NSMF: variants seen among roughly 807,000 people sequenced by gnomAD.
NSMF encodes nasal embryonic LHRH factor.
Under a neutral mutation model 71.0 loss-of-function variants are expected in NSMF, and 31 were observed. The observed-to-expected ratio is 0.44, with a 90% CI of 0.33 to 0.59. NSMF has a LOEUF of 0.59. Among genes scored for constraint, NSMF ranks in the 20% least tolerant of loss-of-function variants. The pLI is 0.04. For synonymous variants in NSMF, 345 were observed against 287.1 expected (o/e 1.20, Z -2.04); for missense variants, 673 against 740.5 (o/e 0.91, Z 1.06).
In NSMF at chr9:137,448,519, G is replaced by T. The variant is rs1234651755; in HGVS notation, c.*875C>A. 1.3e-5 allele frequency: 2 copies of T among 152,052 alleles called. No individual in the cohort carries two copies. Among genetic ancestry groups the T allele is most frequent in the Non-Finnish European group, 2.9e-5 (2 of 68,000 alleles). 9.4% of individuals were successfully genotyped at this position (152,052 alleles called of 1,614,324 possible). A position where few individuals can be genotyped will look rare whatever the true frequency, so the allele number is the denominator to read the frequency against. ...GCCAGCGAGTTTCTCAAAACCCAGG[G>T]CCCAGCCCCAGCTGGGCCCCTGCCA... is the stretch of plus-strand genomic sequence containing the variant. On this transcript the variant is annotated 3_prime_UTR_variant, in exon 16 of 16. Transcript: ENST00000371475. The surrounding 1 kb of genome is among the most constrained non-coding windows in gnomAD (Gnocchi z 5.3).
In NSMF at chr9:137,449,284, C is replaced by T. The variant is rs1052623516; in HGVS notation, c.*110G>A. The T allele has an allele frequency of 3.3e-5, 30 of 915,962 alleles. No homozygotes were observed. In the African/African-American group the frequency reaches 4.8e-4, roughly 15 times the overall value. 56.7% of individuals were successfully genotyped at this position (915,962 alleles called of 1,614,324 possible). The stretch of plus-strand genomic sequence containing the variant: ...CAACGTCTGAGGTGCCCTGAAGTGG[C>T]TCCAGGCGAGACCGGAGCCACACAG... On this transcript the variant is annotated 3_prime_UTR_variant, in exon 16 of 16. Coordinates refer to ENST00000371475, the MANE Select transcript of NSMF (RefSeq NM_001130969.3).
Position 137,457,701 on chromosome 9 carries a change from G to A in NSMF, c.334C>T (p.Pro112Ser). Reference protein sequence around the residue: ...YTISGEPALLPSPEAEAIELA... With the variant: ...YTISGEPALLSSPEAEAIELA... The stretch of plus-strand genomic sequence containing the variant: ...TCAATGGCCTCCGCCTCAGGGCTGG[G>A]CAGCAGGGCAGGCTCCCCAGAGATG... Residue 112 changes from proline (P) to serine (S), a missense_variant, in exon 3 of 16, where the codon CCC becomes TCC. By Grantham distance (74) the Pro-to-Ser change is moderately conservative. Transcript: ENST00000371475. 6.4e-7 allele frequency: 1 copy of A among 1,552,588 alleles called. No individual in the cohort carries two copies. Among genetic ancestry groups the A allele is most frequent in the Non-Finnish European group, 8.7e-7 (1 of 1,148,132 alleles).
Position 137,453,332 on chromosome 9 carries a change from G to A in NSMF, c.923-152C>T, listed in dbSNP as rs1830641792. The A allele has an allele frequency of 1.8e-6, 2 of 1,109,308 alleles. No individual in the cohort carries two copies. The highest frequency in any genetic ancestry group is 2.6e-5 in the East Asian group (1 of 38,756). The allele number at this position is 1,109,308 out of a possible 1,614,324, so 68.7% of individuals were successfully genotyped here. A position where few individuals can be genotyped will look rare whatever the true frequency, so the allele number is the denominator to read the frequency against. On this transcript the variant is annotated intron_variant, in intron 8 of 15. Transcript: ENST00000371475. This position sits in a 1 kb window ranked among gnomAD's most constrained non-coding sequence, Gnocchi z 4.5. ...ACAGAGGTCGCCGCCAGCCCGGCAG[G>A]ACAGGCCTGTGGACACCACTGGGCA...
chr9:137,453,000 G>T lies in NSMF; in HGVS notation c.1047+56C>A, dbSNP rs1830617794. On this transcript the variant is annotated intron_variant, in intron 9 of 15. Coordinates refer to ENST00000371475, the MANE Select transcript of NSMF (RefSeq NM_001130969.3). ...CCCAGGCAGAGCTGGCTGGACTCGG[G>T]TTGGGGCGGAGTCCTGCTCGGGGTG... 3.3e-5 allele frequency: 53 copies of T among 1,608,516 alleles called. No individual in the cohort carries two copies. The South Asian group carries it at 5.7e-4, about 17-fold the overall frequency.
At chr9:137,458,670 G>T (rs1830999318) in intron 1 of NSMF, 121 bp from the exon 2 acceptor site, 1 of 988,148 alleles carries the variant, frequency 1.0e-6, no homozygotes, top group Non-Finnish European at 1.5e-6. Flanking sequence ...GAGGGTCGGG[G>T]TCGTCCCCCT....
chr9:137,458,580 C>A, intron 1 of NSMF, 31 bp from the exon 2 acceptor site: 1 of 1,566,516 alleles, frequency 6.4e-7, no homozygotes, highest in South Asian at 1.2e-5. Context: ...CGGTCAGAGG[C>A]CACGGCACGA....
At chr9:137,450,860 T>C (rs1460949550) in intron 12 of NSMF, among the ~76,000 whole-genome samples, 1 of 11,306 alleles carries the variant, frequency 8.8e-5, no homozygotes, top group Admixed American at 9.1e-4. Context: ...GCCTCTTCCT[T>C]TTGATCTCCC....
At position 137,459,169 on chromosome 9, in the gene NSMF, A is replaced by T. The variant is rs1831044932; in HGVS notation, c.-67T>A. 1 of 1,092,094 alleles carries T rather than the reference A, an allele frequency of 9.2e-7. No homozygotes were observed. The highest frequency in any genetic ancestry group is 5.0e-5 in the Admixed American group (1 of 20,186). 67.7% of individuals were successfully genotyped at this position (1,092,094 alleles called of 1,614,324 possible). A position where few individuals can be genotyped will look rare whatever the true frequency, so the allele number is the denominator to read the frequency against. On this transcript the variant is annotated 5_prime_UTR_variant, in exon 1 of 16. Coordinates refer to ENST00000371475, the MANE Select transcript of NSMF (RefSeq NM_001130969.3). ...CCGCGCCCGCCGCCTCCGCCGGGGT[A>T]GCCGCGCCGCACCGGGGGTCGCGCT...
At position 137,457,726 on chromosome 9, in the gene NSMF, G is replaced by C; in HGVS notation, c.309C>G (p.Thr103=). Residue 103 remains threonine, a synonymous_variant, in exon 3 of 16, where the codon ACC becomes ACG. Coordinates refer to ENST00000371475, the MANE Select transcript of NSMF (RefSeq NM_001130969.3). The part of the protein sequence containing the change: ...AGEGPQPRVY[T]ISGEPALLPS... Reference sequence around the variant, plus strand: ...GCAGCAGGGCAGGCTCCCCAGAGATGGTGTACACTCGAGGCTGAGGGCCCT... The same window carrying C: ...GCAGCAGGGCAGGCTCCCCAGAGATCGTGTACACTCGAGGCTGAGGGCCCT... The C allele has an allele frequency of 6.4e-7, 1 of 1,556,376 alleles. No homozygotes were observed. Among genetic ancestry groups the C allele is most frequent in the South Asian group, 1.2e-5 (1 of 84,468 alleles).
Position 137,455,303 on chromosome 9 carries a change from A to G in NSMF, c.715T>C (p.Phe239Leu), listed in dbSNP as rs1193147464. 11 of 1,612,636 alleles carry G rather than the reference A, an allele frequency of 6.8e-6. No individual in the cohort carries two copies. Among genetic ancestry groups the G allele is most frequent in the Non-Finnish European group, 9.3e-6 (11 of 1,179,920 alleles). The change falls in exon 6 of 16, where the codon TTC (phenylalanine) becomes CTC (leucine). Residue 239 changes from phenylalanine to leucine, a missense_variant. By Grantham distance (22) the Phe-to-Leu change is conservative (BLOSUM62 0). Around this residue, in one of 2 missense-constraint regions of NSMF, gnomAD observed 471 missense variants for 459.6 expected, o/e 1.02. Coordinates refer to ENST00000371475, the MANE Select transcript of NSMF (RefSeq NM_001130969.3). Reference protein sequence around the residue: ...ATTTMQAISVFRGYAERKRRK... With the variant: ...ATTTMQAISVLRGYAERKRRK... Reference sequence around the variant, plus strand: ...CGCTTCCTCTCCGCGTAGCCCCTGAACACCCTGGGAAACCACCGCGAGTCA... The same window carrying G: ...CGCTTCCTCTCCGCGTAGCCCCTGAGCACCCTGGGAAACCACCGCGAGTCA...
chr9:137,455,600 C>G, intron 5 of NSMF, 29 bp downstream of exon 5: 1 of 1,549,864 alleles, frequency 6.5e-7, no homozygotes, highest in South Asian at 1.2e-5. Context: ...CAGCTGTGCC[C>G]TTAGGCACCA....
rs759444612 is a variant in NSMF, at chr9:137,457,546, G to A, written c.489C>T (p.Gly163=). ...GGGCACATCCGGGGCACTCCTTGGA[G>A]CCCTGGCGGCTGCCCGCCCAGCTCT... is the stretch of plus-strand genomic sequence containing the variant. ...PCQSWAGSRQ[G]SKECPGCAQL... The change falls in exon 3 of 16, where the codon GGC becomes GGT. Residue 163 remains glycine (G), a synonymous_variant. Coordinates refer to ENST00000371475, the MANE Select transcript of NSMF (RefSeq NM_001130969.3). The A allele has an allele frequency of 1.3e-6, 2 of 1,598,018 alleles. No individual in the cohort carries two copies. The highest frequency in any genetic ancestry group is 1.7e-6 in the Non-Finnish European group (2 of 1,173,110).
Position 137,453,194 on chromosome 9 carries a change from G to A in NSMF, c.923-14C>T, listed in dbSNP as rs755963823. The A allele has an allele frequency of 9.9e-6, 16 of 1,612,188 alleles. No individual in the cohort carries two copies. Among genetic ancestry groups the A allele is most frequent in the African/African-American group, 5.3e-5 (4 of 74,934 alleles). Reference sequence around the variant, plus strand: ...GCAGGTCACTGCCTGGGAAGCAAGAGGGTCACCAGGACAGCAGGCCCGGCA... The same window carrying A: ...GCAGGTCACTGCCTGGGAAGCAAGAAGGTCACCAGGACAGCAGGCCCGGCA... On this transcript the variant is annotated splice_polypyrimidine_tract_variant and intron_variant, in intron 8 of 15. Transcript: ENST00000371475. This position sits in a 1 kb window ranked among gnomAD's most constrained non-coding sequence, Gnocchi z 4.5.
Position 137,453,156 on chromosome 9 carries a change from C to T in NSMF, c.947G>A (p.Cys316Tyr), listed in dbSNP as rs769555722. ...GTCCTCGAAGGCCTCGTCCAGCGTG[C>T]AGTGGGAGCTCTGCAGGTCACTGCC... ...RDSSDLQSSH[C>Y]TLDEAFEDLD... The change falls in exon 9 of 16, where the codon TGC becomes TAC. Residue 316 changes from cysteine to tyrosine, a missense_variant. Transcript: ENST00000371475. The surrounding 1 kb of genome is among the most constrained non-coding windows in gnomAD (Gnocchi z 4.5). The T allele has an allele frequency of 1.2e-6, 2 of 1,612,662 alleles. No individual in the cohort carries two copies. Among genetic ancestry groups the T allele is most frequent in the Admixed American group, 3.3e-5 (2 of 60,028 alleles).
chr9:137,449,715 G>C, intron 14 of NSMF, 41 bp from the exon 15 acceptor site: 1 of 1,564,666 alleles, frequency 6.4e-7, no homozygotes, highest in Non-Finnish European at 8.8e-7. Flanking sequence ...GCAGAGAGAT[G>C]GGGAAGGAGG....
In NSMF at chr9:137,453,967, G is replaced by A; in HGVS notation, c.833-147C>T. 4.4e-6 allele frequency: 3 copies of A among 684,098 alleles called. No homozygotes were observed. The highest frequency in any genetic ancestry group is 7.6e-6 in the Non-Finnish European group (3 of 395,166). The allele number at this position is 684,098 out of a possible 1,614,324, so 42.4% of individuals were successfully genotyped here. The stretch of plus-strand genomic sequence containing the variant: ...AGGCACATGAAGCAGACACGGACCA[G>A]AGGCTCGGTTGGTTCAGGGGCAGGA... On this transcript the variant is annotated intron_variant, in intron 7 of 15. Coordinates refer to ENST00000371475, the MANE Select transcript of NSMF (RefSeq NM_001130969.3). The surrounding 1 kb of genome is among the most constrained non-coding windows in gnomAD (Gnocchi z 4.5).
At position 137,448,187 on chromosome 9, in the gene NSMF, C is replaced by T. The variant is rs1013775839; in HGVS notation, c.*1207G>A. 3.3e-5 allele frequency: 5 copies of T among 152,858 alleles called. No homozygotes were observed. Among genetic ancestry groups the T allele is most frequent in the Non-Finnish European group, 5.8e-5 (4 of 68,382 alleles). 9.5% of individuals were successfully genotyped at this position (152,858 alleles called of 1,614,324 possible). Reference sequence around the variant, plus strand: ...GCCCAGAAGCTGGGCACAGGAAGGCCCCTGGAAAGCACTGAGAGGACAGAC... The same window carrying T: ...GCCCAGAAGCTGGGCACAGGAAGGCTCCTGGAAAGCACTGAGAGGACAGAC... On this transcript the variant is annotated 3_prime_UTR_variant, in exon 16 of 16. Transcript: ENST00000371475. The surrounding 1 kb of genome is among the most constrained non-coding windows in gnomAD (Gnocchi z 5.3).
intron 6 of NSMF, 37 bp downstream of exon 6, chr9:137,455,202 A>C (rs1179472355): frequency 1.2e-6 from 2 of 1,600,940 alleles, no homozygotes. Flanking sequence ...CACAGACCAG[A>C]GATGGACCCT....
intron 13 of NSMF, 49 bp downstream of exon 13, chr9:137,450,127 T>C (rs533086308): frequency 6.3e-7 from 1 of 1,591,598 alleles, no homozygotes; most frequent in South Asian, 1.1e-5. Context: ...TGCCAGGGCC[T>C]GGACTCTGCC....
Sources: gnomAD v4.1 joint callset for allele counts (sites outside exome capture counted in the v4.1 genomes callset) on GRCh38, gnomAD v4.1.1 for gene constraint, gnomAD v4.1.1 regional missense constraint, Gnocchi (gnomAD v3.1) non-coding constraint, MANE v1.5 for transcripts, NCBI Gene and HGNC (gene_info 2026-07-23, HGNC 2026-07-21) for gene names.